The following SEMA3D variants were observed in gnomAD, a reference collection of about 807,000 sequenced individuals.
SEMA3D encodes the protein semaphorin 3D, also known as semaphorin-3D.
SEMA3D carries 84 observed loss-of-function variants against 100.1 expected under a neutral mutation model. That is an observed-to-expected ratio of 0.84 (90% CI 0.70 to 1.01). SEMA3D has a LOEUF of 1.01. Ranked by LOEUF, SEMA3D falls within the 50% of genes least tolerant of loss-of-function variation. The pLI is 0.00. For synonymous variants in SEMA3D, 312 were observed against 320.7 expected (o/e 0.97, Z 0.29); for missense variants, 875 against 934.1 (o/e 0.94, Z 0.82).
At chr7:85,094,356 T>G (rs891773738) in intron 4 of SEMA3D, among the ~76,000 whole-genome samples, 9 of 152,144 alleles carry the variant, frequency 5.9e-5, no homozygotes, top group African/African-American at 2.2e-4. Flanking sequence ...ACCGTTGTGG[T>G]GAACAGATTA....
chr7:85,071,284 A>G (rs1444452348), intron 6 of SEMA3D, among the ~76,000 whole-genome samples: 3 of 152,190 alleles, frequency 2.0e-5, no homozygotes, highest in Admixed American at 2.0e-4. Context: ...CAAGTTACCA[A>G]GTCTCCTAGT....
chr7:85,244,053 C>T, the SEMA3D span, among the ~76,000 whole-genome samples: 1 of 152,012 alleles, frequency 6.6e-6, no homozygotes, highest in Non-Finnish European at 1.5e-5. Flanking sequence ...TAAGAGAATA[C>T]CCAAGGCTAG....
At chr7:85,147,105 T>C (rs1385415458) in intron 2 of SEMA3D, among the ~76,000 whole-genome samples, 1 of 127,494 alleles carries the variant, frequency 7.8e-6, no homozygotes, top group South Asian at 2.6e-4. Flanking sequence ...TTTTTTTTTT[T>C]TTTTTTTTTT....
chr7:85,165,354 T>C (rs550145702), intron 1 of SEMA3D, among the ~76,000 whole-genome samples: 4 of 152,184 alleles, frequency 2.6e-5, no homozygotes, highest in South Asian at 2.1e-4. Flanking sequence ...GAGAAATCAT[T>C]TAAACGAGAG....
Position 85,006,788 on chromosome 7 carries a change from T to C in SEMA3D, c.1908+14A>G. 6.4e-7 allele frequency: 1 copy of C among 1,567,258 alleles called. No individual in the cohort carries two copies. Among genetic ancestry groups the C allele is most frequent in the African/African-American group, 1.4e-5 (1 of 73,328 alleles). Reference sequence around the variant, plus strand: ...TTCCCTCAAAGTGAGTATTCTTTGATGACAACAGCTTACCTCCTCTCGATG... The same window carrying C: ...TTCCCTCAAAGTGAGTATTCTTTGACGACAACAGCTTACCTCCTCTCGATG... On this transcript the variant is annotated intron_variant, in intron 18 of 18. Coordinates refer to ENST00000284136, the MANE Select transcript of SEMA3D (RefSeq NM_001384900.1).
intron 2 of SEMA3D, among the ~76,000 whole-genome samples, chr7:85,135,330 G>GACC (rs1789828149): frequency 6.6e-6 from 1 of 151,830 alleles, no homozygotes; most frequent in Admixed American, 6.6e-5. Flanking sequence ...CCCTCAACTG[G>GACC]TTATGGTTTG....
At chr7:85,027,405 G>T (rs770529731) in intron 12 of SEMA3D, among the ~76,000 whole-genome samples, 1 of 151,956 alleles carries the variant, frequency 6.6e-6, no homozygotes, top group Non-Finnish European at 1.5e-5. Flanking sequence ...TTTAGCATTT[G>T]CCATTGATTT....
At chr7:85,091,117 AGAAGGAAGGAAGGAGGGAAG>A (rs773565298) in intron 4 of SEMA3D, among the ~76,000 whole-genome samples, 64 of 140,768 alleles carry the variant, frequency 4.5e-4, no homozygotes, top group African/African-American at 1.2e-3. Context: ...AGGGAGGGAA[AGAAGGAAGGAAGGAGGGAAG>A]GAAGGAAGGA....
chr7:85,179,545 G>A (rs1312399284), intron 1 of SEMA3D, among the ~76,000 whole-genome samples: 1 of 152,118 alleles, frequency 6.6e-6, no homozygotes, highest in Non-Finnish European at 1.5e-5. Context: ...TGGAATGGGT[G>A]CATTTCCCCA....
At chr7:85,187,886 A>G (rs1257916074), upstream of SEMA3D, among the ~76,000 whole-genome samples, 1 of 152,172 alleles carries the variant, frequency 6.6e-6, no homozygotes, top group Non-Finnish European at 1.5e-5. Context: ...TACGTTAGGC[A>G]TTTTTAGCTG....
chr7:85,226,662 C>T, the SEMA3D span, among the ~76,000 whole-genome samples: 1 of 151,782 alleles, frequency 6.6e-6, no homozygotes, highest in Non-Finnish European at 1.5e-5. Context: ...CCAGTTTCAA[C>T]ACTGAAAAGT....
intron 2 of SEMA3D, among the ~76,000 whole-genome samples, chr7:85,150,346 AATATAT>A (rs3078412): frequency 1.5e-4 from 18 of 121,238 alleles, no homozygotes; most frequent in Non-Finnish European, 2.5e-4. Flanking sequence ...CTTTTCTAGA[AATATAT>A]ATATATATAT....
chr7:85,110,065 T>C (rs999073961), intron 3 of SEMA3D, among the ~76,000 whole-genome samples: 6 of 152,020 alleles, frequency 3.9e-5, no homozygotes, highest in African/African-American at 1.2e-4. Flanking sequence ...AGCTCTCTTT[T>C]ACCCTGCTAG....
chr7:85,240,158 T>C, the SEMA3D span, among the ~76,000 whole-genome samples: 1 of 152,168 alleles, frequency 6.6e-6, no homozygotes, highest in Non-Finnish European at 1.5e-5. Context: ...TTGTAGATGA[T>C]CTTATTCAAG....
intron 1 of SEMA3D, among the ~76,000 whole-genome samples, chr7:85,180,568 T>G (rs2116573952): frequency 6.6e-6 from 1 of 152,358 alleles, no homozygotes; most frequent in African/African-American, 2.4e-5. Flanking sequence ...CTTTTAAATT[T>G]ACAGAAACAT....
intron 16 of SEMA3D, 90 bp from the exon 17 acceptor site, chr7:85,012,936 T>A (rs878924801): frequency 1.1e-6 from 1 of 903,138 alleles, no homozygotes; most frequent in African/African-American, 1.6e-5. Flanking sequence ...CAGTGGCAGA[T>A]GCAGTACTAT....
In SEMA3D at chr7:85,115,629, TATATA is replaced by T. The variant is rs1789217722; in HGVS notation, c.151+6107_151+6111del. ...ATTCTTTTTCTTTTTAAGGCAGTAT[TATATA>T]TAGTCAAATGGACAGACCTTACATG... On this transcript the variant is annotated intron_variant, in intron 3 of 18. Transcript: ENST00000284136. Among the ~76,000 whole-genome samples the T allele has an allele frequency of 2.0e-5, 3 of 152,068 alleles. No homozygotes were observed. In the East Asian group the frequency reaches 5.8e-4, roughly 29 times the overall value.
chr7:85,039,213 T>G (rs538135542), intron 11 of SEMA3D, among the ~76,000 whole-genome samples: 80 of 152,248 alleles, frequency 5.3e-4, no homozygotes, highest in South Asian at 4.6e-3. Context: ...TAAATAAAAT[T>G]AAGTCTGTGG....
the SEMA3D span, among the ~76,000 whole-genome samples, chr7:85,248,498 G>A: frequency 5.3e-5 from 8 of 151,958 alleles, no homozygotes; most frequent in African/African-American, 1.7e-4. Flanking sequence ...AACTGATAAC[G>A]CATAGCCACA....
Sources: gnomAD v4.1 joint callset for allele counts (sites outside exome capture counted in the v4.1 genomes callset) on GRCh38, gnomAD v4.1.1 for gene constraint, MANE v1.5 for transcripts, NCBI Gene and HGNC (gene_info 2026-07-23, HGNC 2026-07-21) for gene names.